AUTS2: variants seen among roughly 807,000 people sequenced by gnomAD.
AUTS2 encodes the protein autism susceptibility gene 2 protein.
AUTS2 carries 17 observed loss-of-function variants against 112.4 expected under a neutral mutation model. That is an observed-to-expected ratio of 0.15 (90% CI 0.10 to 0.23). The LOEUF (loss-of-function observed/expected upper bound fraction) is 0.23. Among genes scored for constraint, AUTS2 ranks in the 10% least tolerant of loss-of-function variants. AUTS2 has a pLI of 1.00. For synonymous variants in AUTS2, 751 were observed against 702.7 expected, an observed-to-expected ratio of 1.07 and a Z score of -1.09; for missense variants, 1,510 against 1,701.6, an observed-to-expected ratio of 0.89 and a Z score of 1.98.
At chr7:70,155,128 G>T (rs2129576690) in intron 4 of AUTS2, among the ~76,000 whole-genome samples, 1 of 152,224 alleles carries the variant, frequency 6.6e-6, no homozygotes, top group South Asian at 2.1e-4. Context: ...CATCTTTGGT[G>T]GCACTGTTAT....
chr7:69,699,919 A>G (rs1035146942), intron 1 of AUTS2, among the ~76,000 whole-genome samples: 1 of 152,222 alleles, frequency 6.6e-6, no homozygotes, highest in African/African-American at 2.4e-5. Context: ...TGCTGGGATT[A>G]CAGGCATACA....
At chr7:70,628,314 C>CTATATATATATATACATATATATATAGTA in intron 5 of AUTS2, among the ~76,000 whole-genome samples, 1 of 59,614 alleles carries the variant, frequency 1.7e-5, no homozygotes, top group East Asian at 3.5e-4. Flanking sequence ...ATTTGCAAAA[C>CTATATATATATATACATATATATATAGTA]TATATATATA....
intron 1 of AUTS2, among the ~76,000 whole-genome samples, chr7:69,732,991 G>A (rs1221652089): frequency 6.6e-6 from 1 of 152,162 alleles, no homozygotes; most frequent in South Asian, 2.1e-4. Flanking sequence ...CTACTTAAGG[G>A]TGTCTTTTGA....
At chr7:70,548,781 A>G (rs950817429) in intron 5 of AUTS2, among the ~76,000 whole-genome samples, 10 of 152,164 alleles carry the variant, frequency 6.6e-5, no homozygotes, top group African/African-American at 2.2e-4. Flanking sequence ...TGTCAGTACC[A>G]GGCTGTCTTG....
chr7:69,708,319 CT>C (rs201497698), intron 1 of AUTS2, among the ~76,000 whole-genome samples: 1 of 23,808 alleles, frequency 4.2e-5, no homozygotes, highest in East Asian at 2.1e-3. Flanking sequence ...TCTCTCTCTT[CT>C]TTTTTGTGAA....
intron 5 of AUTS2, among the ~76,000 whole-genome samples, chr7:70,609,588 T>G (rs1250161588): frequency 5.6e-5 from 8 of 144,112 alleles, no homozygotes; most frequent in African/African-American, 2.2e-4. Context: ...TTGTTTTTTT[T>G]TTTTGTTGTT....
chr7:70,689,268 C>G (rs1173937310), intron 5 of AUTS2, among the ~76,000 whole-genome samples: 1 of 152,152 alleles, frequency 6.6e-6, no homozygotes, highest in Non-Finnish European at 1.5e-5. Flanking sequence ...CTACTCCCAA[C>G]TACTCAAGAG....
At chr7:69,864,858 C>T (rs1478141796) in intron 1 of AUTS2, among the ~76,000 whole-genome samples, 1 of 151,976 alleles carries the variant, frequency 6.6e-6, no homozygotes, top group African/African-American at 2.4e-5. Context: ...TGGAAAGAGA[C>T]AAGGCAACTA....
At chr7:70,058,309 G>A (rs1188377926) in intron 2 of AUTS2, among the ~76,000 whole-genome samples, 1 of 152,180 alleles carries the variant, frequency 6.6e-6, no homozygotes, top group Non-Finnish European at 1.5e-5. Context: ...TATGTCTGGA[G>A]TTTTGGAAAC....
At chr7:70,370,994 A>G (rs1446280432) in intron 4 of AUTS2, among the ~76,000 whole-genome samples, 6 of 152,136 alleles carry the variant, frequency 3.9e-5, no homozygotes, top group Non-Finnish European at 7.3e-5. Flanking sequence ...TGAGAAATAA[A>G]TATTAAGAGA....
chr7:70,076,482 G>A (rs1476424661), intron 2 of AUTS2, among the ~76,000 whole-genome samples: 3 of 152,190 alleles, frequency 2.0e-5, no homozygotes, highest in Non-Finnish European at 4.4e-5. Flanking sequence ...CCTATTGACT[G>A]TGCTAAGTGA....
At chr7:70,524,302 CACTTACAATGGTCATTATTCCATGTGAAG>C (rs879584853) in intron 5 of AUTS2, among the ~76,000 whole-genome samples, 9 of 152,226 alleles carry the variant, frequency 5.9e-5, no homozygotes, top group Non-Finnish European at 1.2e-4. Flanking sequence ...CTGACTCTCC[CACTTACAATGGTCATTATTCCATGTGAAG>C]ACTGTTTCCA....
At chr7:70,214,680 T>C (rs895461312) in intron 4 of AUTS2, among the ~76,000 whole-genome samples, 3 of 152,228 alleles carry the variant, frequency 2.0e-5, no homozygotes, top group African/African-American at 7.2e-5. Flanking sequence ...TAGTACCTTT[T>C]TTTAAATTCG....
intron 1 of AUTS2, among the ~76,000 whole-genome samples, chr7:69,772,522 C>T (rs1416540418): frequency 1.3e-5 from 2 of 152,208 alleles, no homozygotes; most frequent in African/African-American, 4.8e-5. Flanking sequence ...CAACCTTCAT[C>T]TCTCAGACTT....
At chr7:70,482,711 G>T (rs969600604) in intron 5 of AUTS2, among the ~76,000 whole-genome samples, 1 of 152,264 alleles carries the variant, frequency 6.6e-6, no homozygotes, top group Middle Eastern at 3.4e-3. Context: ...CAACGTCTCC[G>T]TGAATCCTAA....
intron 5 of AUTS2, among the ~76,000 whole-genome samples, chr7:70,466,253 G>A (rs1797162877): frequency 6.6e-6 from 1 of 152,148 alleles, no homozygotes; most frequent in Non-Finnish European, 1.5e-5. Flanking sequence ...GTTATGTCAT[G>A]GGAAGGAGGA....
intron 2 of AUTS2, among the ~76,000 whole-genome samples, chr7:70,004,838 TTTAG>T (rs1295181252): frequency 6.6e-6 from 1 of 151,276 alleles, no homozygotes; most frequent in African/African-American, 2.4e-5. Flanking sequence ...TATTTATTTA[TTTAG>T]AGACCGAGTT....
At chr7:70,712,085 T>C (rs929422296) in intron 6 of AUTS2, among the ~76,000 whole-genome samples, 13 of 151,102 alleles carry the variant, frequency 8.6e-5, no homozygotes, top group Non-Finnish European at 4.4e-5. Flanking sequence ...AGTGCAGTGG[T>C]GCAATCTCGG....
intron 5 of AUTS2, among the ~76,000 whole-genome samples, chr7:70,582,140 G>A (rs75932975): frequency 0.018 from 2,707 of 151,152 alleles, 38 homozygotes; most frequent in African/African-American, 0.039. Flanking sequence ...TGCTCTTATC[G>A]AAGAAAGGAA....
Sources: allele counts gnomAD v4.1 joint callset (sites outside exome capture counted in the v4.1 genomes callset), GRCh38; gene constraint gnomAD v4.1.1; transcripts MANE v1.5; gene names NCBI Gene and HGNC (gene_info 2026-07-23, HGNC 2026-07-21).